Variants in HS6ST3 observed in about 807,000 individuals in gnomAD.
HS6ST3 encodes heparan-sulfate 6-O-sulfotransferase 3.
Under a neutral mutation model 36.7 loss-of-function variants are expected in HS6ST3, and 12 were observed. The observed-to-expected ratio is 0.33, with a 90% confidence interval of 0.21 to 0.53. HS6ST3 has a LOEUF of 0.53. HS6ST3 is among the 20% of genes least tolerant of loss of function. HS6ST3 has a pLI of 0.95. For synonymous variants in HS6ST3, 240 were observed against 257.5 expected (o/e 0.93, Z 0.65); for missense variants, 584 against 640.9 (o/e 0.91, Z 0.96).
chr13:96,291,866 T>A (rs535836172), intron 1 of HS6ST3, among the ~76,000 whole-genome samples: 2 of 152,270 alleles, frequency 1.3e-5, no homozygotes, highest in East Asian at 3.9e-4. Flanking sequence ...AATGATTGTT[T>A]TTTGGACAAA....
chr13:96,691,587 T>C (rs1874960794), intron 1 of HS6ST3, among the ~76,000 whole-genome samples: 1 of 151,442 alleles, frequency 6.6e-6, no homozygotes, highest in African/African-American at 2.4e-5. Context: ...TATTTTTCTT[T>C]CTTTTCTCTT....
chr13:96,442,308 G>A (rs138490809), intron 1 of HS6ST3, among the ~76,000 whole-genome samples: 191 of 152,168 alleles, frequency 1.3e-3, no homozygotes, highest in African/African-American at 4.3e-3. Flanking sequence ...GCCACTGCCC[G>A]TGGCTGAAAA....
intron 1 of HS6ST3, among the ~76,000 whole-genome samples, chr13:96,810,380 G>A (rs1326044305): frequency 2.0e-5 from 3 of 152,276 alleles, no homozygotes; most frequent in African/African-American, 4.8e-5. Context: ...CACATTGGAA[G>A]TGTTCCATAA....
At chr13:96,281,238 T>A (rs781576543) in intron 1 of HS6ST3, among the ~76,000 whole-genome samples, 1 of 152,118 alleles carries the variant, frequency 6.6e-6, no homozygotes, top group African/African-American at 2.4e-5. Context: ...TCTCTTGACC[T>A]CGTGATCTGC....
chr13:96,486,791 AG>A (rs2055917397), intron 1 of HS6ST3, among the ~76,000 whole-genome samples: 1 of 152,144 alleles, frequency 6.6e-6, no homozygotes, highest in South Asian at 2.1e-4. Context: ...TATCAGTTAC[AG>A]GGGAGCCTGA....
chr13:96,614,070 G>A (rs926478520), intron 1 of HS6ST3, among the ~76,000 whole-genome samples: 4 of 151,816 alleles, frequency 2.6e-5, no homozygotes, highest in African/African-American at 4.8e-5. Flanking sequence ...AGGCCGAGGC[G>A]GGCGAATGAG....
At chr13:96,391,302 A>G (rs1307523738) in intron 1 of HS6ST3, among the ~76,000 whole-genome samples, 1 of 152,146 alleles carries the variant, frequency 6.6e-6, no homozygotes, top group Admixed American at 6.5e-5. Context: ...TGGAACCCAA[A>G]TATAGTTGAT....
chr13:96,267,529 T>A (rs559303354), intron 1 of HS6ST3, among the ~76,000 whole-genome samples: 7 of 152,182 alleles, frequency 4.6e-5, no homozygotes, highest in African/African-American at 7.2e-5. Flanking sequence ...CCTGATTATT[T>A]GAATGTCCTT....
intron 1 of HS6ST3, among the ~76,000 whole-genome samples, chr13:96,593,361 GT>G (rs956366645): frequency 1.2e-4 from 18 of 147,816 alleles, no homozygotes; most frequent in African/African-American, 3.7e-4. Context: ...TTTTTTTTTT[GT>G]TTTTCGTATT....
At chr13:96,618,817 T>C (rs1195039825) in intron 1 of HS6ST3, among the ~76,000 whole-genome samples, 1 of 152,206 alleles carries the variant, frequency 6.6e-6, no homozygotes, top group Non-Finnish European at 1.5e-5. Flanking sequence ...AGGCATATGA[T>C]GGACCCATAG....
chr13:96,533,744 G>A (rs146583891), intron 1 of HS6ST3, among the ~76,000 whole-genome samples: 163 of 152,278 alleles, frequency 1.1e-3, no homozygotes, highest in African/African-American at 3.8e-3. Flanking sequence ...GCCCCAAACT[G>A]GAGAGAAGCA....
At chr13:96,571,329 G>C (rs1339839730) in intron 1 of HS6ST3, among the ~76,000 whole-genome samples, 1 of 152,114 alleles carries the variant, frequency 6.6e-6, no homozygotes, top group Non-Finnish European at 1.5e-5. Context: ...CGTATAGAAA[G>C]GGCAAAAGGC....
At chr13:96,204,324 C>A (rs1452030082) in intron 1 of HS6ST3, among the ~76,000 whole-genome samples, 1 of 151,966 alleles carries the variant, frequency 6.6e-6, no homozygotes, top group African/African-American at 2.4e-5. Flanking sequence ...AGATATGCAC[C>A]CAATATAGGA....
rs1594762004 is a variant in HS6ST3, at chr13:96,358,881, T to TATCC, written c.707+267315_707+267316insCATC. Among the ~76,000 whole-genome samples, 3 of 150,884 alleles carry TATCC rather than the reference T, an allele frequency of 2.0e-5. No homozygotes were observed. In the East Asian group the frequency reaches 5.8e-4, roughly 29 times the overall value. ...GAAGTATATATATAATCTATCTATCTATCTATCTATCTATCTATCTATCTA... is the reference window on the plus strand; with the variant it reads ...GAAGTATATATATAATCTATCTATCTATCCATCTATCTATCTATCTATCTATCTA... On this transcript the variant is annotated intron_variant, in intron 1 of 1. Coordinates refer to ENST00000376705, the MANE Select transcript of HS6ST3 (RefSeq NM_153456.4).
intron 1 of HS6ST3, among the ~76,000 whole-genome samples, chr13:96,500,546 C>A (rs2055999298): frequency 1.3e-5 from 2 of 152,094 alleles, no homozygotes; most frequent in Admixed American, 6.6e-5. Flanking sequence ...TAGGCTGTTG[C>A]AATAATCCAG....
At chr13:96,653,582 GCCACATTTTCTTTAT>G (rs1440793539) in intron 1 of HS6ST3, among the ~76,000 whole-genome samples, 1 of 152,114 alleles carries the variant, frequency 6.6e-6, no homozygotes, top group African/African-American at 2.4e-5. Flanking sequence ...GTGTATATGT[GCCACATTTTCTTTAT>G]CCAGTCTATC....
chr13:96,697,470 A>G (rs1255871281), intron 1 of HS6ST3, among the ~76,000 whole-genome samples: 1 of 152,140 alleles, frequency 6.6e-6, no homozygotes, highest in African/African-American at 2.4e-5. Flanking sequence ...AGAACTGAAG[A>G]GGACAAGATC....
chr13:96,307,862 A>C (rs2139407480), intron 1 of HS6ST3, among the ~76,000 whole-genome samples: 1 of 152,248 alleles, frequency 6.6e-6, no homozygotes. Context: ...AATTATGCTT[A>C]CAAGCTGTTA....
intron 1 of HS6ST3, among the ~76,000 whole-genome samples, chr13:96,752,937 T>C (rs1478409120): frequency 6.6e-6 from 1 of 152,196 alleles, no homozygotes; most frequent in African/African-American, 2.4e-5. Flanking sequence ...ACAGAATTTC[T>C]TTTTTGTGAA....
Sources: allele counts gnomAD v4.1 joint callset (sites outside exome capture counted in the v4.1 genomes callset), GRCh38; gene constraint gnomAD v4.1.1; transcripts MANE v1.5; gene names NCBI Gene and HGNC (gene_info 2026-07-23, HGNC 2026-07-21).